GSN: variants seen among roughly 807,000 people sequenced by gnomAD.
GSN encodes actin-depolymerizing factor.
A neutral mutation model predicts 85.7 loss-of-function variants in GSN; 56 were observed. The ratio of observed to expected loss-of-function variants is 0.65; its 90% confidence interval spans 0.53 to 0.82. The LOEUF is 0.82. GSN is among the 40% of genes least tolerant of loss of function. The pLI, the probability that GSN is intolerant of heterozygous loss-of-function variation, is 0.00. For missense variants in GSN, 857 were observed against 979.8 expected (o/e 0.87, Z 1.67); for synonymous variants, 373 against 399.1 (o/e 0.93, Z 0.78).
At chr9:121,286,683 A>G in intron 2 of GSN, 1 of 1,535,136 alleles carries the variant, frequency 6.5e-7, no homozygotes, top group Non-Finnish European at 8.7e-7. Context: ...AAAGGAGACA[A>G]TTTGTGATTG....
chr9:121,282,899 G>C (rs1440494761), intron 2 of GSN: 3 of 218,562 alleles, frequency 1.4e-5, no homozygotes, highest in African/African-American at 2.3e-5. Context: ...AGACCCAGCT[G>C]AGCAACCGTC....
rs141172677 is a variant in GSN at position 121,313,625 on chromosome 9, G to T, written c.664-309G>T. 57 of 434,044 alleles carry T rather than the reference G, an allele frequency of 1.3e-4. No individual in the cohort carries two copies. In the East Asian group the frequency reaches 2.7e-3, roughly 20 times the overall value. The allele number at this position is 434,044 out of a possible 1,614,324, so 26.9% of individuals were successfully genotyped here. A position where few individuals can be genotyped will look rare whatever the true frequency, so the allele number is the denominator to read the frequency against. On this transcript the variant is annotated intron_variant, in intron 6 of 17. Coordinates refer to ENST00000432226, the MANE Select transcript of GSN (RefSeq NM_198252.3). ...GCAGTGACATCTTTTAAAGGTAGGC[G>T]GTAGAAGGTGTTCAGTAGCTATAGT...
chr9:121,307,113 A>G (rs2060499375), intron 4 of GSN, among the ~76,000 whole-genome samples: 1 of 152,072 alleles, frequency 6.6e-6, no homozygotes, highest in Admixed American at 6.5e-5. Context: ...TCTGGGAGGC[A>G]GAGGTTGCAG....
intron 4 of GSN, among the ~76,000 whole-genome samples, chr9:121,221,549 T>A (rs185664135): frequency 2.3e-4 from 35 of 152,312 alleles, no homozygotes; most frequent in Admixed American, 2.2e-3. Flanking sequence ...CCCTTCACAA[T>A]CAGCCCAATA....
Position 121,324,648 on chromosome 9 carries a change from A to C in GSN, c.1416+4A>C, listed in dbSNP as rs1391609820. ...GCTGGGAGGTACCCCTGTCCAGGTG[A>C]GCCCAGCCCACCGCCTCTCTGGGCT... On this transcript the variant is annotated splice_donor_region_variant and intron_variant, in intron 12 of 17. Transcript: ENST00000432226. The C allele has an allele frequency of 6.8e-7, 1 of 1,461,644 alleles. No individual in the cohort carries two copies. The highest frequency in any genetic ancestry group is 1.2e-5 in the South Asian group (1 of 82,320). 90.5% of individuals were successfully genotyped at this position (1,461,644 alleles called of 1,614,324 possible).
chr9:121,269,766 G>T (rs2055651466), intron 1 of GSN, among the ~76,000 whole-genome samples: 1 of 152,190 alleles, frequency 6.6e-6, no homozygotes, highest in Non-Finnish European at 1.5e-5. Flanking sequence ...GTTTACTCCA[G>T]AATTTTCCAC....
At chr9:121,250,671 G>T (rs1416468270) in intron 6 of GSN, among the ~76,000 whole-genome samples, 1 of 151,296 alleles carries the variant, frequency 6.6e-6, no homozygotes, top group Non-Finnish European at 1.5e-5. Flanking sequence ...CCAAGTAGCT[G>T]AGACTACAGG....
intron 1 of GSN, 124 bp from the exon 2 acceptor site, chr9:121,281,346 G>A: frequency 2.9e-6 from 1 of 346,122 alleles, no homozygotes; most frequent in East Asian, 7.6e-5. Context: ...TGCTGGATGT[G>A]TGCAAGTACT....
intron 4 of GSN, chr9:121,309,081 G>T: frequency 6.6e-6 from 1 of 152,340 alleles, no homozygotes. Flanking sequence ...ACCCGATTGG[G>T]AGGAGGAAAC....
intron 4 of GSN, among the ~76,000 whole-genome samples, chr9:121,220,652 A>G (rs557326208): frequency 2.0e-5 from 3 of 152,330 alleles, no homozygotes; most frequent in African/African-American, 7.2e-5. Flanking sequence ...TAACTAAACC[A>G]CCTAGTGAGA....
chr9:121,276,332 C>A (rs1299716994), intron 1 of GSN, among the ~76,000 whole-genome samples: 2 of 152,240 alleles, frequency 1.3e-5, no homozygotes, highest in African/African-American at 4.8e-5. Context: ...TCTCAAGGAC[C>A]TATTTTCCTC....
chr9:121,217,127 AGGC>A (rs1281187237), intron 4 of GSN, among the ~76,000 whole-genome samples: 1 of 152,208 alleles, frequency 6.6e-6, no homozygotes, highest in African/African-American at 2.4e-5. Flanking sequence ...TGTGAGGCCA[AGGC>A]GGGTGGATCA....
At chr9:121,217,851 A>G (rs1219681947) in intron 4 of GSN, among the ~76,000 whole-genome samples, 1 of 149,948 alleles carries the variant, frequency 6.7e-6, no homozygotes, top group Non-Finnish European at 1.5e-5. Context: ...CTCAAACAAA[A>G]CAAGCCCTCC....
intron 5 of GSN, among the ~76,000 whole-genome samples, chr9:121,247,019 T>C (rs2054712836): frequency 6.6e-6 from 1 of 152,048 alleles, no homozygotes; most frequent in Non-Finnish European, 1.5e-5. Context: ...GACAGAGCAA[T>C]AGGCATCTAT....
intron 11 of GSN, among the ~76,000 whole-genome samples, chr9:121,321,851 C>T (rs1350031910): frequency 3.9e-5 from 6 of 151,952 alleles, no homozygotes; most frequent in African/African-American, 1.4e-4. Context: ...AAGCAATTCT[C>T]CTGCCTCAGC....
At position 121,310,863 on chromosome 9, in the gene GSN, C is replaced by T; in HGVS notation, c.513+18C>T. On this transcript the variant is annotated intron_variant, in intron 5 of 17. Transcript: ENST00000432226. ...TGGGCAACGTGAGTCCTGCTTTCCT[C>T]TTTCCCAGGAGCCACTGAGGTGCTC... 2 of 1,613,094 alleles carry T rather than the reference C, an allele frequency of 1.2e-6. No homozygotes were observed. Among genetic ancestry groups the T allele is most frequent in the East Asian group, 2.2e-5 (1 of 44,866 alleles).
At chr9:121,331,808 T>C (rs750405048) in intron 17 of GSN, 25 of 209,830 alleles carry the variant, frequency 1.2e-4, no homozygotes, top group Non-Finnish European at 2.1e-4. Flanking sequence ...AATCCCAGCA[T>C]TTTGGGAGGC....
At chr9:121,286,179 C>A (rs1189665734) in intron 2 of GSN, 1 of 1,531,674 alleles carries the variant, frequency 6.5e-7, no homozygotes, top group Non-Finnish European at 8.7e-7. Flanking sequence ...GCAATTCTGA[C>A]CCATGGGTGA....
upstream of GSN, among the ~76,000 whole-genome samples, chr9:121,206,819 G>A (rs574016129): frequency 3.3e-5 from 5 of 152,110 alleles, no homozygotes; most frequent in African/African-American, 9.6e-5. Context: ...CAGTGATCTT[G>A]GCTCACTGCA....
Sources: allele counts gnomAD v4.1 joint callset (sites outside exome capture counted in the v4.1 genomes callset), GRCh38; gene constraint gnomAD v4.1.1; transcripts MANE v1.5; gene names NCBI Gene and HGNC (gene_info 2026-07-23, HGNC 2026-07-21).